Variants in EIPR1 observed in about 807,000 individuals in gnomAD.
EIPR1 encodes the protein EARP and GARP complex-interacting protein 1.
Under a neutral mutation model 48.1 loss-of-function variants are expected in EIPR1, and 25 were observed. That is an observed-to-expected ratio of 0.52 (90% CI 0.38 to 0.73). EIPR1 has a LOEUF of 0.73. Ranked by LOEUF, EIPR1 falls within the 30% of genes least tolerant of loss-of-function variation. EIPR1 has a pLI of 0.00. For synonymous variants in EIPR1, 204 were observed against 201.9 expected (o/e 1.01, Z -0.09); for missense variants, 415 against 506.2 (o/e 0.82, Z 1.73).
chr2:3,284,035 G>A (rs995367637), intron 3 of EIPR1, among the ~76,000 whole-genome samples: 2 of 152,282 alleles, frequency 1.3e-5, no homozygotes, highest in Admixed American at 6.5e-5. Flanking sequence ...CAGAGGCCCA[G>A]GGCTGTCTCC....
intron 3 of EIPR1, among the ~76,000 whole-genome samples, chr2:3,275,975 G>T (rs1667835562): frequency 6.6e-6 from 1 of 152,184 alleles, no homozygotes; most frequent in African/African-American, 2.4e-5. Flanking sequence ...TGGACTCAAA[G>T]TCGACTGTAT....
At chr2:3,358,788 A>G (rs962799524) in intron 1 of EIPR1, among the ~76,000 whole-genome samples, 1 of 152,224 alleles carries the variant, frequency 6.6e-6, no homozygotes, top group Non-Finnish European at 1.5e-5. Context: ...GCTGAGCCCC[A>G]GGTCAGGAGA....
intron 3 of EIPR1, among the ~76,000 whole-genome samples, chr2:3,336,935 AAAGGG>A (rs1185930515): frequency 1.1e-4 from 14 of 123,118 alleles, no homozygotes; most frequent in Non-Finnish European, 2.1e-4. Flanking sequence ...AGGGAAGGGA[AAAGGG>A]AAGGGAAGGG....
chr2:3,314,544 C>T (rs1268893653), intron 3 of EIPR1, among the ~76,000 whole-genome samples: 2 of 152,018 alleles, frequency 1.3e-5, no homozygotes, highest in Non-Finnish European at 2.9e-5. Flanking sequence ...TTTCCAAGAC[C>T]ACAGGGTGAC....
At chr2:3,339,359 A>G (rs540970147) in intron 2 of EIPR1, among the ~76,000 whole-genome samples, 7 of 152,306 alleles carry the variant, frequency 4.6e-5, no homozygotes, top group Admixed American at 4.6e-4. Flanking sequence ...TACGTTTGCA[A>G]TCTAACATTA....
intron 3 of EIPR1, among the ~76,000 whole-genome samples, chr2:3,258,786 T>C (rs1404245739): frequency 6.6e-6 from 1 of 152,214 alleles, no homozygotes; most frequent in Admixed American, 6.5e-5. Context: ...GACCATTTTA[T>C]ATACCATATT....
chr2:3,368,855 T>C (rs1469742021), intron 1 of EIPR1, among the ~76,000 whole-genome samples: 1 of 152,230 alleles, frequency 6.6e-6, no homozygotes, highest in Non-Finnish European at 1.5e-5. Context: ...ATCATTACCA[T>C]GAATTTGCTC....
intron 4 of EIPR1, among the ~76,000 whole-genome samples, chr2:3,235,441 C>T (rs1317800699): frequency 1.0e-4 from 5 of 49,056 alleles, no homozygotes; most frequent in East Asian, 9.6e-4. Flanking sequence ...CACACACACG[C>T]GTGCGCGCAC....
At chr2:3,195,153 T>C (rs1572275898) in intron 6 of EIPR1, among the ~76,000 whole-genome samples, 1 of 152,206 alleles carries the variant, frequency 6.6e-6, no homozygotes, top group South Asian at 2.1e-4. Context: ...CCTGATGTCA[T>C]GAATCCCAGA....
rs1288951939 is a variant in EIPR1 at position 3,200,321 on chromosome 2, C to A, written c.517-3304G>T. Among the ~76,000 whole-genome samples, 12 of 152,282 alleles carry A rather than the reference C, an allele frequency of 7.9e-5. No individual in the cohort carries two copies. The East Asian group carries it at 9.7e-4, about 12-fold the overall frequency. On this transcript the variant is annotated intron_variant, in intron 5 of 8. Transcript: ENST00000382125. ...GCCTGGCCCACCACTTTCATCCCCACAACCAAGTGACTTTCAGGAAGTCAA... is the reference window on the plus strand; with the variant it reads ...GCCTGGCCCACCACTTTCATCCCCAAAACCAAGTGACTTTCAGGAAGTCAA...
At chr2:3,258,235 C>T (rs1010181900) in intron 3 of EIPR1, among the ~76,000 whole-genome samples, 3 of 152,222 alleles carry the variant, frequency 2.0e-5, no homozygotes, top group African/African-American at 7.2e-5. Flanking sequence ...ACTGGGGTCA[C>T]TTGTTTCCAA....
chr2:3,261,737 G>C (rs1303249472), intron 3 of EIPR1: 2 of 152,200 alleles, frequency 1.3e-5, no homozygotes, highest in Non-Finnish European at 2.9e-5. Flanking sequence ...GAGTCTGTGG[G>C]CGCACCTGGT....
intron 4 of EIPR1, among the ~76,000 whole-genome samples, chr2:3,219,036 A>T (rs1300264681): frequency 5.1e-5 from 7 of 138,456 alleles, no homozygotes; most frequent in African/African-American, 8.2e-5. Context: ...ACTCTAGAGC[A>T]TTCACAGTGA....
At position 3,257,405 on chromosome 2, in the gene EIPR1, C is replaced by T; in HGVS notation, c.310G>A (p.Glu104Lys). 1.2e-6 allele frequency: 2 copies of T among 1,614,186 alleles called. No homozygotes were observed. The highest frequency in any genetic ancestry group is 4.5e-5 in the East Asian group (2 of 44,874). ...TCAAVWRMPKELESGSHESPD... is the reference protein window; with the variant it reads ...TCAAVWRMPKKLESGSHESPD... ...GACTCGTGGCTGCCTGATTCCAATTCCTTCGGCATCCTCCACACGGCTGCA... is the reference window on the plus strand; with the variant it reads ...GACTCGTGGCTGCCTGATTCCAATTTCTTCGGCATCCTCCACACGGCTGCA... Residue 104 changes from glutamate to lysine, a missense_variant, in exon 4 of 9, where the codon GAA becomes AAA. Coordinates refer to ENST00000382125, the MANE Select transcript of EIPR1 (RefSeq NM_003310.5).
chr2:3,324,599 GA>G (rs1343445501), intron 3 of EIPR1, among the ~76,000 whole-genome samples: 1 of 152,260 alleles, frequency 6.6e-6, no homozygotes, highest in Non-Finnish European at 1.5e-5. Flanking sequence ...GGCACCTTCT[GA>G]AAGCCGACCC....
rs1051704402 is a variant in EIPR1 at position 3,303,359 on chromosome 2, G to A, written c.259+34658C>T. On this transcript the variant is annotated intron_variant, in intron 3 of 8. Coordinates refer to ENST00000382125, the MANE Select transcript of EIPR1 (RefSeq NM_003310.5). ...CATGGCCCAGCAGGGGAGTCTCTGC[G>A]GCCCCCATCCAGCACAAAGGAAGCC... Among the ~76,000 whole-genome samples the A allele has an allele frequency of 3.9e-5, 6 of 152,274 alleles. No homozygotes were observed. The South Asian group carries it at 1.2e-3, about 32-fold the overall frequency.
intron 3 of EIPR1, among the ~76,000 whole-genome samples, chr2:3,295,999 CCT>C (rs1450869761): frequency 3.4e-5 from 4 of 117,702 alleles, no homozygotes; most frequent in Admixed American, 8.5e-5. Flanking sequence ...TCCAGCCCAT[CCT>C]CTCTCTACAC....
chr2:3,368,042 C>G (rs1347229747), intron 1 of EIPR1, among the ~76,000 whole-genome samples: 3 of 151,324 alleles, frequency 2.0e-5, no homozygotes, highest in Non-Finnish European at 4.4e-5. Flanking sequence ...GACTCTGTCT[C>G]AAAAAAAGAA....
intron 3 of EIPR1, among the ~76,000 whole-genome samples, chr2:3,308,972 C>T (rs1280565916): frequency 6.6e-6 from 1 of 152,000 alleles, no homozygotes; most frequent in Non-Finnish European, 1.5e-5. Context: ...GCAGACCTAC[C>T]CTCAAAGGAT....
Sources: gnomAD v4.1 joint callset for allele counts (sites outside exome capture counted in the v4.1 genomes callset) on GRCh38, gnomAD v4.1.1 for gene constraint, MANE v1.5 for transcripts, NCBI Gene and HGNC (gene_info 2026-07-23, HGNC 2026-07-21) for gene names.